Variants in NUAK1 observed in about 807,000 individuals in gnomAD.
The protein encoded by NUAK1 is NUAK family SNF1-like kinase 1.
Under a neutral mutation model 56.9 loss-of-function variants are expected in NUAK1, and 26 were observed. The ratio of observed to expected loss-of-function variants is 0.46; its 90% CI spans 0.33 to 0.63. NUAK1 has a LOEUF of 0.63. Among genes scored for constraint, NUAK1 ranks in the 30% least tolerant of loss-of-function variants. The probability of loss-of-function intolerance (pLI) is 0.02; values close to 1 mark genes in which losing one functional copy is unlikely to be tolerated. For missense variants in NUAK1, 727 were observed against 876.1 expected (o/e 0.83, Z 2.15); for synonymous variants, 337 against 336.0 (o/e 1.00, Z -0.03).
At chr12:106,124,191 C>T (rs1348664761) in intron 1 of NUAK1, among the ~76,000 whole-genome samples, 1 of 152,164 alleles carries the variant, frequency 6.6e-6, no homozygotes, top group Non-Finnish European at 1.5e-5. Flanking sequence ...AGTAAGGAAT[C>T]CTGCCTGATT....
intron 1 of NUAK1, among the ~76,000 whole-genome samples, chr12:106,107,462 T>C (rs1014533357): frequency 3.9e-5 from 6 of 152,162 alleles, no homozygotes; most frequent in African/African-American, 1.4e-4. Flanking sequence ...CACCAATCAA[T>C]TTGCTGCCGG....
rs1560759 is a variant in NUAK1 at position 106,083,598 on chromosome 12, C to A, written c.579+266G>T. ...GGTGATGATTTTAGACTATGAGCTT[C>A]CTGAGGAGAGACACTGTATCTCAGT... On this transcript the variant is annotated intron_variant, in intron 4 of 6. Coordinates refer to ENST00000261402, the MANE Select transcript of NUAK1 (RefSeq NM_014840.3). Among the ~76,000 whole-genome samples the A allele has an allele frequency of 0.29, 43,999 of 152,128 alleles. 6,784 individuals are homozygous for A. Among genetic ancestry groups the A allele is most frequent in the East Asian group, 0.5 (2,599 of 5,176 alleles).
chr12:106,086,865 T>C lies in NUAK1; in HGVS notation c.382A>G (p.Ile128Val), dbSNP rs1481807067. The C allele has an allele frequency of 6.2e-7, 1 of 1,613,658 alleles. No homozygotes were observed. Among genetic ancestry groups the C allele is most frequent in the Non-Finnish European group, 8.5e-7 (1 of 1,179,716 alleles). Residue 128 changes from isoleucine (I) to valine (V), a missense_variant, in exon 3 of 7, where the codon ATT (isoleucine) becomes GTT (valine). Physicochemically the swap from Ile to Val is conservative, Grantham distance 29 (BLOSUM62 3). Transcript: ENST00000261402. ...CTGGCATATTCCATGATGATCACAA[T>C]CTTATCTTTGTTCTCAAACACTGCA... ...IYEVFENKDK[I>V]VIIMEYASKG...
At chr12:106,084,177 G>T in intron 3 of NUAK1, 2 of 541,520 alleles carry the variant, frequency 3.7e-6, no homozygotes, top group Middle Eastern at 4.9e-4. Context: ...ACTGGAATCT[G>T]TTCTCCCCCA....
chr12:106,129,191 A>G (rs1177202113), intron 1 of NUAK1, among the ~76,000 whole-genome samples: 1 of 152,204 alleles, frequency 6.6e-6, no homozygotes, highest in Non-Finnish European at 1.5e-5. Flanking sequence ...AGCTGCTGTC[A>G]CTGAGAAGCA....
chr12:106,112,706 A>G (rs774665945), intron 1 of NUAK1, among the ~76,000 whole-genome samples: 1 of 152,184 alleles, frequency 6.6e-6, no homozygotes, highest in Non-Finnish European at 1.5e-5. Flanking sequence ...CTGTTGGTTC[A>G]TGTCCTACAT....
At chr12:106,136,039 G>C (rs1461792801) in intron 1 of NUAK1, among the ~76,000 whole-genome samples, 1 of 152,144 alleles carries the variant, frequency 6.6e-6, no homozygotes, top group African/African-American at 2.4e-5. Flanking sequence ...GGGGAGGACG[G>C]GGGGCCAAGG....
intron 1 of NUAK1, among the ~76,000 whole-genome samples, chr12:106,118,092 T>C (rs1366645150): frequency 6.6e-6 from 1 of 152,264 alleles, no homozygotes; most frequent in African/African-American, 2.4e-5. Context: ...GATTCCACTC[T>C]GGTCCAAGTT....
intron 2 of NUAK1, among the ~76,000 whole-genome samples, chr12:106,101,294 C>T (rs1228280008): frequency 6.6e-6 from 1 of 152,222 alleles, no homozygotes; most frequent in Non-Finnish European, 1.5e-5. Context: ...GACCAGGAGA[C>T]CCATATGTCA....
chr12:106,094,570 TC>T (rs2032674344), intron 2 of NUAK1, among the ~76,000 whole-genome samples: 1 of 152,220 alleles, frequency 6.6e-6, no homozygotes, highest in South Asian at 2.1e-4. Flanking sequence ...AACTGGCATC[TC>T]CCTGTCAATA....
chr12:106,120,210 C>T (rs1207693220), intron 1 of NUAK1, among the ~76,000 whole-genome samples: 1 of 152,140 alleles, frequency 6.6e-6, no homozygotes, highest in Non-Finnish European at 1.5e-5. Flanking sequence ...TCTCTACAGA[C>T]CATGGCCTCC....
chr12:106,072,175 C>A (rs991723893), intron 5 of NUAK1, among the ~76,000 whole-genome samples: 1 of 148,056 alleles, frequency 6.8e-6, no homozygotes, highest in African/African-American at 2.6e-5. Context: ...AAGATATTTA[C>A]CCCAGAGTGA....
At chr12:106,113,053 C>A (rs1349406851) in intron 1 of NUAK1, among the ~76,000 whole-genome samples, 1 of 152,152 alleles carries the variant, frequency 6.6e-6, no homozygotes, top group Non-Finnish European at 1.5e-5. Flanking sequence ...TGGGCCTGGG[C>A]CAGCTCAGGA....
intron 1 of NUAK1, among the ~76,000 whole-genome samples, chr12:106,133,137 C>T (rs2033096401): frequency 6.6e-6 from 1 of 152,184 alleles, no homozygotes; most frequent in Non-Finnish European, 1.5e-5. Context: ...CCTTACCAAT[C>T]CTGCCCTCCC....
chr12:106,130,085 G>A (rs1417257689), intron 1 of NUAK1, among the ~76,000 whole-genome samples: 7 of 151,994 alleles, frequency 4.6e-5, no homozygotes, highest in Admixed American at 2.0e-4. Context: ...AGGTTCAAGC[G>A]ATTCTCCTGC....
chr12:106,079,853 C>A (rs189741711), intron 4 of NUAK1, among the ~76,000 whole-genome samples: 2 of 152,342 alleles, frequency 1.3e-5, no homozygotes, highest in Admixed American at 6.5e-5. Flanking sequence ...AGTTTAACAA[C>A]TGCGAGATCC....
intron 1 of NUAK1, among the ~76,000 whole-genome samples, chr12:106,137,927 T>C (rs1021648627): frequency 5.3e-5 from 8 of 151,974 alleles, no homozygotes; most frequent in Admixed American, 4.6e-4. Context: ...AGAGTCTGAG[T>C]GGGAGGATGC....
chr12:106,117,189 T>C (rs2032926668), intron 1 of NUAK1, among the ~76,000 whole-genome samples: 2 of 152,182 alleles, frequency 1.3e-5, no homozygotes, highest in South Asian at 2.1e-4. Flanking sequence ...CCCTCTCCCA[T>C]GCCAACAGGC....
intron 1 of NUAK1, among the ~76,000 whole-genome samples, chr12:106,111,247 T>C (rs765392196): frequency 7.2e-5 from 11 of 152,200 alleles, no homozygotes; most frequent in Non-Finnish European, 1.5e-4. Flanking sequence ...TAAGAGGTAA[T>C]GAGCCCACAG....
Sources: allele counts gnomAD v4.1 joint callset (sites outside exome capture counted in the v4.1 genomes callset), GRCh38; gene constraint gnomAD v4.1.1; transcripts MANE v1.5; gene names NCBI Gene and HGNC (gene_info 2026-07-23, HGNC 2026-07-21).